CASTOR2: variants seen among roughly 807,000 people sequenced by gnomAD.
The protein encoded by CASTOR2 is GATS protein like 2.
CASTOR2 carries 8 observed loss-of-function variants against 31.2 expected under a neutral mutation model. That is an observed-to-expected ratio of 0.26 (90% CI 0.15 to 0.46). The LOEUF (loss-of-function observed/expected upper bound fraction) is 0.46, where lower values mean the gene tolerates loss of function less well. CASTOR2 is among the 20% of genes least tolerant of loss of function. CASTOR2 has a pLI of 0.99. For synonymous variants in CASTOR2, 162 were observed against 158.7 expected (o/e 1.02, Z -0.16); for missense variants, 216 against 382.1 (o/e 0.57, Z 3.62).
chr7:74,994,886 TGA>T lies in CASTOR2; in HGVS notation c.114-13102_114-13101del, dbSNP rs75773133. On this transcript the variant is annotated intron_variant, in intron 1 of 8. Transcript: ENST00000616305. ...TCTGGGGACAGGGTGTAATAGGAGA[TGA>T]GAGAGGACCCCTTGAGAGCTGCCTA... 2.2e-4 allele frequency among the ~76,000 whole-genome samples: 34 copies of T among 151,782 alleles called. No homozygotes were observed. The East Asian group carries it at 6.6e-3, about 29-fold the overall frequency.
rs879121750 is a variant in CASTOR2 at position 75,026,189 on chromosome 7, G to GTTTTTTTTTTTTTTTTTTTTTTTTTTTT, written c.*1507_*1508insTTTTTTTTTTTTTTTTTTTTTTTTTTTT. On this transcript the variant is annotated 3_prime_UTR_variant, in exon 9 of 9. Coordinates refer to ENST00000616305, the MANE Select transcript of CASTOR2 (RefSeq NM_001145064.3). The stretch of plus-strand genomic sequence containing the variant: ...CCCTGTGGTTTTGGCTCTGGCGGGG[G>GTTTTTTTTTTTTTTTTTTTTTTTTTTTT]TTTTTTTTTTTTTTTTTGAGATGGG... Among the ~76,000 whole-genome samples, 5 of 117,710 alleles carry GTTTTTTTTTTTTTTTTTTTTTTTTTTTT rather than the reference G, an allele frequency of 4.2e-5. No individual in the cohort carries two copies. The highest frequency in any genetic ancestry group is 9.7e-5 in the African/African-American group (3 of 30,792). 77.2% of individuals were successfully genotyped at this position (117,710 alleles called of 152,430 possible).
At chr7:75,011,118 C>T (rs1183398673) in intron 2 of CASTOR2, among the ~76,000 whole-genome samples, 5 of 152,020 alleles carry the variant, frequency 3.3e-5, no homozygotes, top group African/African-American at 1.2e-4. Context: ...CCTTGACCTC[C>T]CAAAGTGCTG....
intron 1 of CASTOR2, among the ~76,000 whole-genome samples, chr7:74,996,110 G>C (rs1804340823): frequency 6.6e-6 from 1 of 152,192 alleles, no homozygotes; most frequent in Admixed American, 6.5e-5. Flanking sequence ...GAAGAGGTCT[G>C]GGGGAGGGAG....
intron 6 of CASTOR2, 22 bp downstream of exon 6, chr7:75,020,171 A>G (rs1804959215): frequency 1.3e-6 from 2 of 1,550,250 alleles, no homozygotes; most frequent in Admixed American, 2.0e-5. Flanking sequence ...CCTGGGGTGG[A>G]CGTTCAACCC....
intron 7 of CASTOR2, among the ~76,000 whole-genome samples, chr7:75,023,436 C>T (rs1183589327): frequency 1.3e-5 from 2 of 151,498 alleles, no homozygotes; most frequent in African/African-American, 2.4e-5. Flanking sequence ...GTCCAGACAA[C>T]GTCTTTGGTG....
intron 1 of CASTOR2, among the ~76,000 whole-genome samples, chr7:74,992,088 G>A (rs1455974565): frequency 1.1e-4 from 17 of 152,074 alleles, no homozygotes; most frequent in African/African-American, 4.1e-4. Context: ...CAGGCTGGGG[G>A]CATGGTGAAT....
chr7:74,991,275 C>G (rs1554437320), intron 1 of CASTOR2, among the ~76,000 whole-genome samples: 25 of 152,152 alleles, frequency 1.6e-4, no homozygotes, highest in African/African-American at 5.3e-4. Flanking sequence ...GACCGTGATC[C>G]CTGGAGGGAC....
Position 75,004,220 on chromosome 7 carries a change from A to G in CASTOR2, c.114-3774A>G, listed in dbSNP as rs1804560080. Among the ~76,000 whole-genome samples, 4 of 152,292 alleles carry G rather than the reference A, an allele frequency of 2.6e-5. No homozygotes were observed. In the South Asian group the frequency reaches 8.3e-4, roughly 32 times the overall value. ...CCCTAGGAAGGGTCCGGGCCTGACCAGTGATTGCCACTTACTGTGGTGATA... is the reference window on the plus strand; with the variant it reads ...CCCTAGGAAGGGTCCGGGCCTGACCGGTGATTGCCACTTACTGTGGTGATA... On this transcript the variant is annotated intron_variant, in intron 1 of 8. Transcript: ENST00000616305.
chr7:75,007,291 C>T (rs1261194938), intron 1 of CASTOR2, among the ~76,000 whole-genome samples: 2 of 152,126 alleles, frequency 1.3e-5, no homozygotes, highest in East Asian at 3.9e-4. Context: ...GCACCAAAAC[C>T]ATGCCCAGGA....
intron 7 of CASTOR2, among the ~76,000 whole-genome samples, chr7:75,022,285 C>T (rs1323352047): frequency 4.6e-5 from 7 of 151,618 alleles, no homozygotes; most frequent in African/African-American, 1.7e-4. Context: ...TGGAAAGATC[C>T]ATTGAGCCCA....
chr7:75,005,100 C>G (rs1352847246), intron 1 of CASTOR2, among the ~76,000 whole-genome samples: 1 of 152,086 alleles, frequency 6.6e-6, no homozygotes, highest in Non-Finnish European at 1.5e-5. Context: ...CTCCTGACCT[C>G]AGGTGATCCA....
Position 75,027,914 on chromosome 7 carries a change from G to C in CASTOR2, c.*3215G>C, listed in dbSNP as rs943926184. 113 of 1,137,590 alleles carry C rather than the reference G, an allele frequency of 9.9e-5. No individual in the cohort carries two copies. The highest frequency in any genetic ancestry group is 3.8e-4 in the Admixed American group (19 of 50,284). The allele number at this position is 1,137,590 out of a possible 1,614,324, so 70.5% of individuals were successfully genotyped here. A position where few individuals can be genotyped will look rare whatever the true frequency, so the allele number is the denominator to read the frequency against. On this transcript the variant is annotated 3_prime_UTR_variant, in exon 9 of 9. Coordinates refer to ENST00000616305, the MANE Select transcript of CASTOR2 (RefSeq NM_001145064.3). ...CCCCAGCTATCTCCTGGTCTGCTGG[G>C]TGGGAGGGTCTCTCCAGGCCCCAGA...
At chr7:74,994,508 T>G (rs1438106414) in intron 1 of CASTOR2, among the ~76,000 whole-genome samples, 1 of 151,978 alleles carries the variant, frequency 6.6e-6, no homozygotes, top group Non-Finnish European at 1.5e-5. Context: ...CCCAGCACTT[T>G]GGGGGGCCGA....
chr7:75,025,705 G>A lies in CASTOR2; in HGVS notation c.*1006G>A, dbSNP rs1203810003. On this transcript the variant is annotated 3_prime_UTR_variant, in exon 9 of 9. Transcript: ENST00000616305. ...TTGACCCAGGAGGCAGCTTAACTGA[G>A]CCTTAATAGAGAAAACCATACTTTG... Among the ~76,000 whole-genome samples the A allele has an allele frequency of 6.6e-6, 1 of 152,254 alleles. No homozygotes were observed. The highest frequency in any genetic ancestry group is 1.9e-4 in the East Asian group (1 of 5,202).
chr7:75,000,225 C>A (rs1402292688), intron 1 of CASTOR2, among the ~76,000 whole-genome samples: 2 of 152,104 alleles, frequency 1.3e-5, no homozygotes, highest in African/African-American at 4.8e-5. Flanking sequence ...GACACTGTCT[C>A]TAAAGGAATG....
In CASTOR2 at chr7:75,025,055, C is replaced by G. The variant is rs1805090146; in HGVS notation, c.*356C>G. 6.6e-6 allele frequency among the ~76,000 whole-genome samples: 1 copy of G among 152,254 alleles called. No individual in the cohort carries two copies. The highest frequency in any genetic ancestry group is 1.5e-5 in the Non-Finnish European group (1 of 68,032). ...AGATGCCGAGGGAAGCCGGTCCCTC[C>G]TGCGAGACACCGGTGTGCCAGCTGT... On this transcript the variant is annotated 3_prime_UTR_variant, in exon 9 of 9. Transcript: ENST00000616305.
intron 2 of CASTOR2, among the ~76,000 whole-genome samples, chr7:75,010,767 G>A (rs1804724256): frequency 6.6e-6 from 1 of 152,080 alleles, no homozygotes; most frequent in Non-Finnish European, 1.5e-5. Context: ...CTTCCAGGGT[G>A]CGTTTCCTGG....
intron 1 of CASTOR2, among the ~76,000 whole-genome samples, chr7:74,975,488 C>T (rs1286738173): frequency 8.5e-5 from 12 of 140,368 alleles, no homozygotes; most frequent in African/African-American, 2.6e-4. Flanking sequence ...GAGACCGAGG[C>T]GGGCGGATCA....
At chr7:75,020,805 T>C (rs2131956570) in intron 6 of CASTOR2, among the ~76,000 whole-genome samples, 1 of 151,072 alleles carries the variant, frequency 6.6e-6, no homozygotes, top group South Asian at 2.1e-4. Flanking sequence ...TTTTTATTTT[T>C]ATTTTTGTTG....
Sources: gnomAD v4.1 joint callset for allele counts (sites outside exome capture counted in the v4.1 genomes callset) on GRCh38, gnomAD v4.1.1 for gene constraint, MANE v1.5 for transcripts, NCBI Gene and HGNC (gene_info 2026-07-23, HGNC 2026-07-21) for gene names.